GRM5: variants seen among roughly 807,000 people sequenced by gnomAD.
GRM5 encodes glutamate metabotropic receptor 5.
Under a neutral mutation model 83.1 loss-of-function variants are expected in GRM5, and 19 were observed. The ratio of observed to expected loss-of-function variants is 0.23; its 90% CI spans 0.16 to 0.34. GRM5 has a LOEUF of 0.34. Among genes scored for constraint, GRM5 ranks in the 10% least tolerant of loss-of-function variants. GRM5 has a pLI of 1.00. For missense variants in GRM5, 1,160 were observed against 1,588.3 expected (o/e 0.73, Z 4.58); for synonymous variants, 675 against 633.6 (o/e 1.07, Z -0.98).
intron 8 of GRM5, among the ~76,000 whole-genome samples, chr11:88,542,432 G>C (rs563321110): frequency 2.0e-5 from 3 of 152,278 alleles, no homozygotes; most frequent in South Asian, 4.1e-4. Context: ...GCAAGCATAC[G>C]TAACAGGCAC....
At chr11:88,639,129 T>C (rs1939220164) in intron 4 of GRM5, among the ~76,000 whole-genome samples, 1 of 152,172 alleles carries the variant, frequency 6.6e-6, no homozygotes, top group Non-Finnish European at 1.5e-5. Flanking sequence ...GTTTGAGGTA[T>C]CTGAACTACG....
Position 88,905,712 on chromosome 11 carries a change from C to A in GRM5, c.662-55557G>T, listed in dbSNP as rs566542112. Among the ~76,000 whole-genome samples the A allele has an allele frequency of 7.2e-5, 11 of 152,204 alleles. No individual in the cohort carries two copies. In the South Asian group the frequency reaches 2.1e-3, roughly 29 times the overall value. ...CACCTGGAGGATGGTCTTAGTGATA[C>A]CTGACTTTGAGTCTCTTTCAGTCTC... On this transcript the variant is annotated intron_variant, in intron 2 of 9. Transcript: ENST00000305447.
At chr11:89,022,276 C>T (rs1941003050) in intron 2 of GRM5, among the ~76,000 whole-genome samples, 1 of 151,812 alleles carries the variant, frequency 6.6e-6, no homozygotes, top group African/African-American at 2.4e-5. Flanking sequence ...AACTTTTACT[C>T]CATATTCATC....
intron 4 of GRM5, among the ~76,000 whole-genome samples, chr11:88,646,105 C>T (rs577924178): frequency 6.6e-6 from 1 of 151,970 alleles, no homozygotes; most frequent in Non-Finnish European, 1.5e-5. Flanking sequence ...CTCCTGGAAA[C>T]TACTGGAGAT....
At chr11:88,637,022 C>T (rs1292731489) in intron 4 of GRM5, among the ~76,000 whole-genome samples, 2 of 152,142 alleles carry the variant, frequency 1.3e-5, no homozygotes, top group Non-Finnish European at 2.9e-5. Context: ...TTAGGATTGA[C>T]TTGGCAATGC....
chr11:88,962,170 C>T (rs746547947), intron 2 of GRM5, among the ~76,000 whole-genome samples: 7 of 152,186 alleles, frequency 4.6e-5, no homozygotes, highest in Non-Finnish European at 7.3e-5. Context: ...GCAGAAGTGT[C>T]ATTTCAGTTA....
intron 7 of GRM5, among the ~76,000 whole-genome samples, chr11:88,579,434 T>C (rs1342383784): frequency 3.9e-5 from 6 of 152,078 alleles, no homozygotes; most frequent in Non-Finnish European, 8.8e-5. Flanking sequence ...TAAAATAGTA[T>C]GAGGTGATAT....
chr11:88,612,011 C>T (rs1591381431), intron 4 of GRM5, among the ~76,000 whole-genome samples: 1 of 150,944 alleles, frequency 6.6e-6, no homozygotes, highest in Non-Finnish European at 1.5e-5. Flanking sequence ...TACATGTGCA[C>T]ATTGTGCAGG....
chr11:89,037,860 T>C (rs546144309), intron 2 of GRM5, among the ~76,000 whole-genome samples: 1 of 152,244 alleles, frequency 6.6e-6, no homozygotes, highest in South Asian at 2.1e-4. Context: ...GTAGAGTAAG[T>C]CACTTTTAAA....
chr11:88,953,178 T>C (rs1391650973), intron 2 of GRM5, among the ~76,000 whole-genome samples: 1 of 152,218 alleles, frequency 6.6e-6, no homozygotes, highest in African/African-American at 2.4e-5. Flanking sequence ...CTCGTGTTTA[T>C]TGTTTGCGGA....
intron 6 of GRM5, among the ~76,000 whole-genome samples, chr11:88,591,501 T>C (rs554290798): frequency 3.9e-5 from 6 of 152,370 alleles, no homozygotes; most frequent in African/African-American, 1.2e-4. Flanking sequence ...CATTGGTGCA[T>C]GAAAAGCCTC....
chr11:88,761,059 TAA>T (rs774204964), intron 3 of GRM5, among the ~76,000 whole-genome samples: 49 of 151,906 alleles, frequency 3.2e-4, no homozygotes, highest in South Asian at 1.5e-3. Context: ...CATAAAACAA[TAA>T]GAGTCATCTA....
intron 3 of GRM5, among the ~76,000 whole-genome samples, chr11:88,829,989 G>C (rs1392946948): frequency 6.6e-6 from 1 of 151,898 alleles, no homozygotes; most frequent in African/African-American, 2.4e-5. Context: ...TGGTTACCTG[G>C]GGAGAAAGTA....
intron 3 of GRM5, among the ~76,000 whole-genome samples, chr11:88,763,554 G>A (rs1942570551): frequency 9.5e-6 from 1 of 105,170 alleles, no homozygotes; most frequent in Admixed American, 8.7e-5. Context: ...ATTAGCATAT[G>A]TGTTTGGGCT....
At chr11:89,050,389 T>C (rs1941731906) in intron 1 of GRM5, among the ~76,000 whole-genome samples, 1 of 152,200 alleles carries the variant, frequency 6.6e-6, no homozygotes, top group African/African-American at 2.4e-5. Flanking sequence ...GAATTGAATA[T>C]TCAAGTATGA....
intron 3 of GRM5, among the ~76,000 whole-genome samples, chr11:88,815,759 A>G (rs1211297140): frequency 2.0e-5 from 3 of 152,206 alleles, no homozygotes; most frequent in African/African-American, 7.2e-5. Flanking sequence ...GACAGTGGGC[A>G]TTAATCTATT....
intron 3 of GRM5, among the ~76,000 whole-genome samples, chr11:88,795,478 G>C (rs1467094331): frequency 6.6e-6 from 1 of 152,206 alleles, no homozygotes; most frequent in Non-Finnish European, 1.5e-5. Context: ...ATATACTAGG[G>C]AAGGGCAAAT....
chr11:88,644,287 C>T (rs1452503914), intron 4 of GRM5, among the ~76,000 whole-genome samples: 1 of 152,146 alleles, frequency 6.6e-6, no homozygotes, highest in African/African-American at 2.4e-5. Flanking sequence ...CCCTGCATCC[C>T]ACAAATTGGG....
chr11:88,522,525 C>A (rs888448871), intron 9 of GRM5, among the ~76,000 whole-genome samples: 1 of 150,908 alleles, frequency 6.6e-6, no homozygotes, highest in Non-Finnish European at 1.5e-5. Context: ...GTCTCTAGGC[C>A]TTTTCTACTC....
Sources: allele counts gnomAD v4.1 joint callset (sites outside exome capture counted in the v4.1 genomes callset), GRCh38; gene constraint gnomAD v4.1.1; transcripts MANE v1.5; gene names NCBI Gene and HGNC (gene_info 2026-07-23, HGNC 2026-07-21).